PCDHGA1: variants seen among roughly 807,000 people sequenced by gnomAD.
PCDHGA1 encodes the protein protocadherin gamma subfamily A, 1.
Under a neutral mutation model 58.0 loss-of-function variants are expected in PCDHGA1, and 32 were observed. That is an observed-to-expected ratio of 0.55 (90% CI 0.42 to 0.74). The LOEUF (loss-of-function observed/expected upper bound fraction) is 0.74, where lower values mean the gene tolerates loss of function less well. Among genes scored for constraint, PCDHGA1 ranks in the 30% least tolerant of loss-of-function variants. PCDHGA1 has a pLI of 0.00. For synonymous variants in PCDHGA1, 498 were observed against 501.1 expected (o/e 0.99, Z 0.08); for missense variants, 1,205 against 1,182.3 (o/e 1.02, Z -0.28).
chr5:141,489,431 T>C lies in PCDHGA1; in HGVS notation c.2422-5376T>C. 6.2e-7 allele frequency: 1 copy of C among 1,614,132 alleles called. No individual in the cohort carries two copies. Among genetic ancestry groups the C allele is most frequent in the Non-Finnish European group, 8.5e-7 (1 of 1,180,024 alleles). On this transcript the variant is annotated intron_variant, in intron 1 of 3. Transcript: ENST00000517417. This position sits in a 1 kb window ranked among gnomAD's most constrained non-coding sequence, Gnocchi z 4.5. ...ATGACAGATCTGTTGAGCCGGCGGC[T>C]GCAATTGGGCTCTGAGGAGAATGGG...
At chr5:141,501,423 A>G (rs1195105794) in intron 2 of PCDHGA1, among the ~76,000 whole-genome samples, 4 of 151,966 alleles carry the variant, frequency 2.6e-5, no homozygotes, top group African/African-American at 7.2e-5. Flanking sequence ...AGTTGACTAA[A>G]TGTAGTCCAT....
At chr5:141,339,140 C>T in intron 1 of PCDHGA1, 11 of 1,614,216 alleles carry the variant, frequency 6.8e-6, no homozygotes, top group Non-Finnish European at 9.3e-6. Flanking sequence ...TTTGGAGCCC[C>T]TGGCACTGGC....
In PCDHGA1 at chr5:141,487,120, T is replaced by C. The variant is rs1342042604; in HGVS notation, c.2422-7687T>C. 1.9e-6 allele frequency: 3 copies of C among 1,613,948 alleles called. No homozygotes were observed. Among genetic ancestry groups the C allele is most frequent in the Admixed American group, 1.7e-5 (1 of 60,028 alleles). ...AGAAGCTGGTCATTGTGGTAAAGGA[T>C]AGTGGTAGTCCACCACTCTCTACCT... On this transcript the variant is annotated intron_variant, in intron 1 of 3. Coordinates refer to ENST00000517417, the MANE Select transcript of PCDHGA1 (RefSeq NM_018912.3). The surrounding 1 kb of genome is among the most constrained non-coding windows in gnomAD (Gnocchi z 5.0).
At chr5:141,505,564 G>GGATGTCAAACCTGTGTAGTTTCTCCA in intron 3 of PCDHGA1, 83 bp downstream of exon 3, 1 of 1,603,196 alleles carries the variant, frequency 6.2e-7, no homozygotes, top group Non-Finnish European at 8.5e-7. Context: ...CCCACGGACT[G>GGATGTCAAACCTGTGTAGTTTCTCCA]GATGTCAAAC....
At chr5:141,408,479 G>A in intron 1 of PCDHGA1, 1 of 1,614,074 alleles carries the variant, frequency 6.2e-7, no homozygotes, top group Non-Finnish European at 8.5e-7. Flanking sequence ...AATAGACCGT[G>A]AGCAAATATG....
intron 1 of PCDHGA1, chr5:141,422,758 A>AAC (rs748292321): frequency 6.2e-7 from 1 of 1,613,150 alleles, no homozygotes. Flanking sequence ...TATTAACTCC[A>AAC]ACACTGGTGT....
At position 141,487,100 on chromosome 5, in the gene PCDHGA1, C is replaced by T. The variant is rs183291629; in HGVS notation, c.2422-7707C>T. On this transcript the variant is annotated intron_variant, in intron 1 of 3. Coordinates refer to ENST00000517417, the MANE Select transcript of PCDHGA1 (RefSeq NM_018912.3). The surrounding 1 kb of genome is among the most constrained non-coding windows in gnomAD (Gnocchi z 5.0). ...CCCAGCTGACCTCCCACCACAGAAG[C>T]TGGTCATTGTGGTAAAGGATAGTGG... The T allele has an allele frequency of 5.6e-4, 909 of 1,614,074 alleles. 2 individuals carry two copies. Among genetic ancestry groups the T allele is most frequent in the Non-Finnish European group, 1.4e-4 (168 of 1,179,960 alleles).
chr5:141,422,338 A>C, intron 1 of PCDHGA1: 1 of 1,550,090 alleles, frequency 6.5e-7, no homozygotes, highest in Non-Finnish European at 8.7e-7. Flanking sequence ...TGCTCTTCTA[A>C]ATGTGCAAGA....
At chr5:141,344,528 C>G in intron 1 of PCDHGA1, 1 of 1,614,008 alleles carries the variant, frequency 6.2e-7, no homozygotes, top group Non-Finnish European at 8.5e-7. Context: ...TAGGCATTAA[C>G]TCCCTGCAGA....
intron 1 of PCDHGA1, among the ~76,000 whole-genome samples, chr5:141,382,372 T>C (rs1402923188): frequency 6.6e-6 from 1 of 152,242 alleles, no homozygotes; most frequent in Non-Finnish European, 1.5e-5. Context: ...TTTACCTTTT[T>C]GCCTTCAATA....
At chr5:141,450,364 T>G (rs2098678485) in intron 1 of PCDHGA1, among the ~76,000 whole-genome samples, 1 of 152,188 alleles carries the variant, frequency 6.6e-6, no homozygotes, top group Admixed American at 6.5e-5. Flanking sequence ...TCCTCAGCCT[T>G]GTTTGTTTAT....
Position 141,486,219 on chromosome 5 carries a change from A to G in PCDHGA1, c.2422-8588A>G. 1 of 1,614,134 alleles carries G rather than the reference A, an allele frequency of 6.2e-7. No individual in the cohort carries two copies. Among genetic ancestry groups the G allele is most frequent in the African/African-American group, 1.3e-5 (1 of 75,042 alleles). ...CTGGACGTAAATGACAATGCCCCTT[A>G]CATCACAGTGACCTCAGAGCTTGGA... On this transcript the variant is annotated intron_variant, in intron 1 of 3. Transcript: ENST00000517417. This position sits in a 1 kb window ranked among gnomAD's most constrained non-coding sequence, Gnocchi z 5.0.
At position 141,432,459 on chromosome 5, in the gene PCDHGA1, T is replaced by A. The variant is rs1230209932; in HGVS notation, c.2422-62348T>A. The A allele has an allele frequency of 1.2e-6, 2 of 1,613,984 alleles. No homozygotes were observed. Among genetic ancestry groups the A allele is most frequent in the South Asian group, 1.1e-5 (1 of 91,082 alleles). ...GCGCCCGAGATCCTGTACCCCGCCCTCCCCACGGACGGTTCCACTGGCGTG... is the reference window on the plus strand; with the variant it reads ...GCGCCCGAGATCCTGTACCCCGCCCACCCCACGGACGGTTCCACTGGCGTG... On this transcript the variant is annotated intron_variant, in intron 1 of 3. Transcript: ENST00000517417. The surrounding 1 kb of genome is among the most constrained non-coding windows in gnomAD (Gnocchi z 6.0).
At chr5:141,375,751 T>C (rs1389189532) in intron 1 of PCDHGA1, 3 of 1,614,108 alleles carry the variant, frequency 1.9e-6, no homozygotes, top group Non-Finnish European at 2.5e-6. Context: ...TGGACCAGAA[T>C]GACAATGCGC....
chr5:141,465,950 A>G (rs570810183), intron 1 of PCDHGA1, among the ~76,000 whole-genome samples: 2 of 152,102 alleles, frequency 1.3e-5, no homozygotes, highest in African/African-American at 4.8e-5. Flanking sequence ...GTGAAACCCC[A>G]TCTCTACTAA....
intron 1 of PCDHGA1, chr5:141,350,479 C>A: frequency 6.2e-7 from 1 of 1,613,916 alleles, no homozygotes; most frequent in Middle Eastern, 1.6e-4. Flanking sequence ...ATTATTTCAA[C>A]GTTAGTTTGG....
chr5:141,368,109 C>T (rs1489519335), intron 1 of PCDHGA1, among the ~76,000 whole-genome samples: 2 of 152,118 alleles, frequency 1.3e-5, no homozygotes, highest in Non-Finnish European at 2.9e-5. Context: ...TCAGATGTTT[C>T]TTATTAAAAT....
chr5:141,426,465 T>C, intron 1 of PCDHGA1: 1 of 315,366 alleles, frequency 3.2e-6, no homozygotes, highest in African/African-American at 2.2e-5. Context: ...ATGTTCAGGA[T>C]TTATTGACCT....
chr5:141,355,669 G>A, intron 1 of PCDHGA1: 4 of 1,614,022 alleles, frequency 2.5e-6, no homozygotes, highest in Non-Finnish European at 3.4e-6. Context: ...TCTTCCTGAA[G>A]CTTTTGATCC....
Sources: gnomAD v4.1 joint callset for allele counts (sites outside exome capture counted in the v4.1 genomes callset) on GRCh38, gnomAD v4.1.1 for gene constraint, Gnocchi (gnomAD v3.1) non-coding constraint, MANE v1.5 for transcripts, NCBI Gene and HGNC (gene_info 2026-07-23, HGNC 2026-07-21) for gene names.